BANK1: variants seen among roughly 807,000 people sequenced by gnomAD.
BANK1 encodes B cell scaffold protein with ankyrin repeats 1.
BANK1 carries 95 observed loss-of-function variants against 94.5 expected under a neutral mutation model. That is an observed-to-expected ratio of 1.00 (90% CI 0.85 to 1.19). The LOEUF (loss-of-function observed/expected upper bound fraction) is 1.19. Among genes scored for constraint, BANK1 ranks in the 50% most tolerant of loss-of-function variants. The pLI is 0.00. For missense variants in BANK1, 987 were observed against 932.2 expected (o/e 1.06, Z -0.77); for synonymous variants, 334 against 308.4 (o/e 1.08, Z -0.87).
In BANK1 at chr4:101,934,143, C is replaced by T. The variant is rs1412088489; in HGVS notation, c.1206+15954C>T. 2.0e-5 allele frequency among the ~76,000 whole-genome samples: 3 copies of T among 151,262 alleles called. No homozygotes were observed. The East Asian group carries it at 5.9e-4, about 30-fold the overall frequency. On this transcript the variant is annotated intron_variant, in intron 7 of 16. Coordinates refer to ENST00000322953, the MANE Select transcript of BANK1 (RefSeq NM_017935.5). Reference sequence around the variant, plus strand: ...GGATCTCTTACTACTAGAAAGAAGGCCAAACATGTATTAGCAATAACTGAT... The same window carrying T: ...GGATCTCTTACTACTAGAAAGAAGGTCAAACATGTATTAGCAATAACTGAT...
At chr4:101,864,208 T>C (rs1438872280) in intron 4 of BANK1, among the ~76,000 whole-genome samples, 1 of 152,184 alleles carries the variant, frequency 6.6e-6, no homozygotes, top group African/African-American at 2.4e-5. Flanking sequence ...TGAGAAATTT[T>C]CTCCCAAAAT....
chr4:101,810,499 T>C (rs1216842745), intron 1 of BANK1, among the ~76,000 whole-genome samples: 2 of 152,200 alleles, frequency 1.3e-5, no homozygotes, highest in Non-Finnish European at 2.9e-5. Flanking sequence ...TAAGCTTTTA[T>C]AAAGTGTGAA....
intron 7 of BANK1, among the ~76,000 whole-genome samples, chr4:101,988,423 G>A (rs368338509): frequency 2.0e-5 from 3 of 152,120 alleles, no homozygotes; most frequent in Admixed American, 6.6e-5. Context: ...TGTCATTAAT[G>A]TTCTGTTTTT....
At chr4:101,858,440 G>T (rs1727758669) in intron 3 of BANK1, among the ~76,000 whole-genome samples, 1 of 152,048 alleles carries the variant, frequency 6.6e-6, no homozygotes, top group Non-Finnish European at 1.5e-5. Context: ...CTCAGCAGTA[G>T]CTCCATCCTA....
intron 7 of BANK1, among the ~76,000 whole-genome samples, chr4:101,990,996 C>T (rs1028619133): frequency 1.3e-5 from 2 of 152,184 alleles, no homozygotes; most frequent in African/African-American, 4.8e-5. Flanking sequence ...ATGTTGAAGA[C>T]TTCCTCAATG....
chr4:102,046,219 C>T (rs1285401087), intron 11 of BANK1, among the ~76,000 whole-genome samples: 3 of 151,878 alleles, frequency 2.0e-5, no homozygotes, highest in African/African-American at 7.3e-5. Context: ...ATAAATGGTG[C>T]TGGGAAAACT....
At chr4:102,035,688 T>A (rs983901351) in intron 10 of BANK1, among the ~76,000 whole-genome samples, 5 of 152,156 alleles carry the variant, frequency 3.3e-5, no homozygotes, top group Admixed American at 2.0e-4. Context: ...TGATTTTTTT[T>A]ATCAAGATAT....
chr4:102,021,991 A>G (rs979259026), intron 8 of BANK1, among the ~76,000 whole-genome samples: 10 of 152,050 alleles, frequency 6.6e-5, no homozygotes, highest in Non-Finnish European at 1.2e-4. Flanking sequence ...CCTGGCCCTA[A>G]TATCTGTGAT....
intron 11 of BANK1, among the ~76,000 whole-genome samples, chr4:102,059,953 A>G (rs1460617832): frequency 6.6e-6 from 1 of 152,212 alleles, no homozygotes; most frequent in Non-Finnish European, 1.5e-5. Flanking sequence ...CTAGCGAAGT[A>G]TATAACCTTT....
intron 7 of BANK1, 128 bp downstream of exon 7, chr4:101,918,317 T>G: frequency 2.1e-6 from 1 of 482,564 alleles, no homozygotes; most frequent in African/African-American, 2.0e-5. Context: ...ATTAGGCACA[T>G]GAAAACATAT....
chr4:101,857,141 G>T (rs1186038077), intron 3 of BANK1, among the ~76,000 whole-genome samples: 1 of 152,140 alleles, frequency 6.6e-6, no homozygotes, highest in Admixed American at 6.5e-5. Context: ...TTTCCAAGTA[G>T]TCCGTGAATA....
At chr4:102,016,369 G>A (rs532111948) in intron 7 of BANK1, among the ~76,000 whole-genome samples, 42 of 152,110 alleles carry the variant, frequency 2.8e-4, no homozygotes, top group South Asian at 1.0e-3. Flanking sequence ...TGTGACCTCC[G>A]GATATTATCA....
intron 3 of BANK1, among the ~76,000 whole-genome samples, chr4:101,857,393 T>C (rs1727716276): frequency 6.6e-6 from 1 of 152,212 alleles, no homozygotes; most frequent in South Asian, 2.1e-4. Flanking sequence ...TTCTCTCTGA[T>C]GAAAAGGGAG....
intron 7 of BANK1, among the ~76,000 whole-genome samples, chr4:101,941,432 T>C (rs1337640491): frequency 6.6e-6 from 1 of 151,798 alleles, no homozygotes; most frequent in African/African-American, 2.4e-5. Flanking sequence ...AAGAGAGATA[T>C]GTGTTTTTCA....
intron 7 of BANK1, among the ~76,000 whole-genome samples, chr4:101,953,871 C>T (rs1170453455): frequency 6.6e-6 from 1 of 152,048 alleles, no homozygotes; most frequent in Non-Finnish European, 1.5e-5. Flanking sequence ...TATCTTGTAC[C>T]TCTTGCCTTC....
chr4:101,894,563 T>C (rs1396342794), intron 5 of BANK1, among the ~76,000 whole-genome samples: 1 of 152,078 alleles, frequency 6.6e-6, no homozygotes, highest in African/African-American at 2.4e-5. Flanking sequence ...TTAGAAACTT[T>C]TGTTCCACAG....
intron 7 of BANK1, chr4:101,972,468 C>G (rs1028803771): frequency 6.6e-6 from 1 of 151,990 alleles, no homozygotes; most frequent in African/African-American, 2.4e-5. Flanking sequence ...ATGTAATATA[C>G]TAACACCTGA....
chr4:102,010,146 T>A (rs939418658), intron 7 of BANK1, among the ~76,000 whole-genome samples: 1 of 151,626 alleles, frequency 6.6e-6, no homozygotes, highest in Non-Finnish European at 1.5e-5. Flanking sequence ...GCGCCTGTAG[T>A]CCCAGCTACT....
At chr4:102,037,774 A>G (rs1727560088) in intron 10 of BANK1, among the ~76,000 whole-genome samples, 1 of 152,234 alleles carries the variant, frequency 6.6e-6, no homozygotes, top group Non-Finnish European at 1.5e-5. Flanking sequence ...TTTCATGAGA[A>G]CTAAAACCAT....
Sources: gnomAD v4.1 joint callset for allele counts (sites outside exome capture counted in the v4.1 genomes callset) on GRCh38, gnomAD v4.1.1 for gene constraint, MANE v1.5 for transcripts, NCBI Gene and HGNC (gene_info 2026-07-23, HGNC 2026-07-21) for gene names.